PDE10A: variants seen among roughly 807,000 people sequenced by gnomAD.
PDE10A encodes cAMP and cAMP-inhibited cGMP 3',5'-cyclic phosphodiesterase 10A.
In PDE10A, 39 loss-of-function variants were observed where a neutral mutation model predicts 97.7. The observed-to-expected ratio is 0.40, with a 90% CI of 0.31 to 0.52. The LOEUF is 0.52. Ranked by LOEUF, PDE10A falls within the 20% of genes least tolerant of loss-of-function variation. The probability of loss-of-function intolerance (pLI) is 0.56; values close to 1 mark genes in which losing one functional copy is unlikely to be tolerated. For missense variants in PDE10A, 731 were observed against 1,047.8 expected, an observed-to-expected ratio of 0.70 and a Z score of 4.17; for synonymous variants, 371 against 376.8, an observed-to-expected ratio of 0.98 and a Z score of 0.18.
chr6:165,960,410 G>A (rs760726765), intron 1 of PDE10A, among the ~76,000 whole-genome samples: 4 of 152,170 alleles, frequency 2.6e-5, no homozygotes, highest in East Asian at 3.9e-4. Context: ...ATTCCAGGAC[G>A]AGGAAAGAGA....
At chr6:165,732,893 G>A (rs1011251333) in intron 1 of PDE10A, among the ~76,000 whole-genome samples, 17 of 152,278 alleles carry the variant, frequency 1.1e-4, no homozygotes, top group East Asian at 3.9e-4. Flanking sequence ...GCTGGCCTCC[G>A]CAGAGCCAGG....
intron 1 of PDE10A, chr6:165,545,240 A>G: frequency 2.0e-6 from 1 of 493,876 alleles, no homozygotes; most frequent in South Asian, 1.5e-5. Flanking sequence ...ATCCATAATG[A>G]CGACACCAAA....
At chr6:165,559,445 T>A (rs995720695) in intron 1 of PDE10A, among the ~76,000 whole-genome samples, 1 of 152,202 alleles carries the variant, frequency 6.6e-6, no homozygotes, top group Non-Finnish European at 1.5e-5. Context: ...ATATTATTGG[T>A]TTAAATCATA....
rs1453633923 is a variant in PDE10A, at chr6:165,958,567, CAGACAGAAAGAA to C, written c.-615+28950_-615+28961del. On this transcript the variant is annotated intron_variant, in intron 1 of 19. Transcript: ENST00000366882. The stretch of plus-strand genomic sequence containing the variant: ...AAAGAAAGAAAGAAAGAAAGAAAGA[CAGACAGAAAGAA>C]AGACAGAAAGAGAGAAAGAAAGAGA... Among the ~76,000 whole-genome samples, 18 of 5,758 alleles carry C rather than the reference CAGACAGAAAGAA, an allele frequency of 3.1e-3. 2 individuals carry two copies. Among genetic ancestry groups the C allele is most frequent in the South Asian group, 0.019 (3 of 158 alleles). The allele number at this position is 5,758 out of a possible 152,430, so 3.8% of individuals were successfully genotyped here. A position where few individuals can be genotyped will look rare whatever the true frequency, so the allele number is the denominator to read the frequency against.
In PDE10A at chr6:165,712,876, G is replaced by T. The variant is rs192907452; in HGVS notation, c.-614-169308C>A. Among the ~76,000 whole-genome samples, 40 of 152,228 alleles carry T rather than the reference G, an allele frequency of 2.6e-4. No individual in the cohort carries two copies. In the East Asian group the frequency reaches 6.8e-3, roughly 26 times the overall value. On this transcript the variant is annotated intron_variant, in intron 1 of 19. Transcript: ENST00000366882. ...AGGATGGTCTCGATCTCCTGACCTC[G>T]TGATCTGCCTGCCTCGGCCTCCCAG...
intron 1 of PDE10A, among the ~76,000 whole-genome samples, chr6:165,917,972 T>C (rs6899775): frequency 0.27 from 40,492 of 152,140 alleles, 5,645 homozygotes; most frequent in Non-Finnish European, 0.29. Flanking sequence ...CACCCACAAA[T>C]GGTTGATAAA....
chr6:165,447,332 G>T (rs1790927030), intron 5 of PDE10A, among the ~76,000 whole-genome samples: 1 of 152,192 alleles, frequency 6.6e-6, no homozygotes, highest in Non-Finnish European at 1.5e-5. Flanking sequence ...TTGTTCAGGT[G>T]AACGGCTAGA....
chr6:165,470,365 A>G (rs1778917076), intron 3 of PDE10A, among the ~76,000 whole-genome samples: 1 of 152,236 alleles, frequency 6.6e-6, no homozygotes, highest in Admixed American at 6.5e-5. Context: ...ACACTGAACC[A>G]CATTATAATA....
At chr6:165,857,276 C>T (rs77290436) in intron 1 of PDE10A, among the ~76,000 whole-genome samples, 6,400 of 152,222 alleles carry the variant, frequency 0.042, 163 homozygotes, top group Middle Eastern at 0.078. Flanking sequence ...AGTTTTGACC[C>T]GGACCTGAAC....
intron 1 of PDE10A, among the ~76,000 whole-genome samples, chr6:165,694,667 T>A (rs1430013234): frequency 6.6e-6 from 1 of 152,222 alleles, no homozygotes; most frequent in Non-Finnish European, 1.5e-5. Flanking sequence ...CATGCCATGC[T>A]CTCTTAAATT....
intron 1 of PDE10A, among the ~76,000 whole-genome samples, chr6:165,709,733 T>C (rs1791847056): frequency 8.3e-6 from 1 of 121,114 alleles, no homozygotes; most frequent in African/African-American, 3.2e-5. Context: ...TCTACCCCCA[T>C]GCTGCCAGGC....
rs1454995443 is a variant in PDE10A at position 165,379,282 on chromosome 6, T to C, written c.2695A>G (p.Thr899Ala). 6.2e-7 allele frequency: 1 copy of C among 1,613,662 alleles called. No individual in the cohort carries two copies. The highest frequency in any genetic ancestry group is 1.7e-5 in the Admixed American group (1 of 60,012). Reference sequence around the variant, plus strand: ...TTTCCAAAGTATAAAGCAAGGTCTGTGGCAATGATGGCTTTGCGGATGATC... The same window carrying C: ...TTTCCAAAGTATAAAGCAAGGTCTGCGGCAATGATGGCTTTGCGGATGATC... ...LEIIRKAIIA[T>A]DLALYFGNRK... The change falls in exon 18 of 22, where the codon ACA becomes GCA. Residue 899 changes from threonine to alanine, a missense_variant. Around this residue, in one of 8 missense-constraint regions of PDE10A, gnomAD observed 25 missense variants for 83.7 expected, o/e 0.30. Transcript: ENST00000539869.
At chr6:165,882,168 G>T (rs368458881) in intron 1 of PDE10A, among the ~76,000 whole-genome samples, 3 of 152,144 alleles carry the variant, frequency 2.0e-5, no homozygotes, top group Non-Finnish European at 4.4e-5. Flanking sequence ...GGCCATCCCC[G>T]ACCTAGTCAG....
At chr6:165,428,634 A>G (rs1482329662) in intron 10 of PDE10A, 24 bp downstream of exon 10, 10 of 1,092,040 alleles carry the variant, frequency 9.2e-6, no homozygotes, top group Admixed American at 1.9e-5. Context: ...AAACAGAATC[A>G]TACTCAGAAC....
chr6:165,411,933 G>A (rs1404628669), intron 13 of PDE10A, among the ~76,000 whole-genome samples: 1 of 152,040 alleles, frequency 6.6e-6, no homozygotes, highest in Non-Finnish European at 1.5e-5. Flanking sequence ...TAAAAATTAT[G>A]CTAAATCTAG....
At chr6:165,880,657 C>T (rs1446674152) in intron 1 of PDE10A, among the ~76,000 whole-genome samples, 1 of 152,188 alleles carries the variant, frequency 6.6e-6, no homozygotes, top group Non-Finnish European at 1.5e-5. Context: ...GTTCTTCTGC[C>T]TCAACCTTGG....
At chr6:165,576,288 C>T (rs1410479) in intron 1 of PDE10A, 677,612 of 684,198 alleles carry the variant, frequency 0.99, 335,802 homozygotes, top group East Asian at 1. Flanking sequence ...AAACAAAGTT[C>T]TCATCAATTG....
chr6:165,514,366 T>G (rs974710419), intron 2 of PDE10A, among the ~76,000 whole-genome samples: 18 of 152,334 alleles, frequency 1.2e-4, no homozygotes, highest in Non-Finnish European at 2.2e-4. Flanking sequence ...TTATTCTTTT[T>G]AAGTATTTAA....
chr6:165,557,491 A>G (rs982529237), intron 1 of PDE10A, among the ~76,000 whole-genome samples: 2 of 152,208 alleles, frequency 1.3e-5, no homozygotes, highest in African/African-American at 2.4e-5. Context: ...AGTGAATGAC[A>G]TATTTTAGGT....
Sources: allele counts gnomAD v4.1 joint callset (sites outside exome capture counted in the v4.1 genomes callset), GRCh38; gene constraint gnomAD v4.1.1; regional missense constraint gnomAD v4.1.1; transcripts MANE v1.5; gene names NCBI Gene and HGNC (gene_info 2026-07-23, HGNC 2026-07-21).